The following FRMD4A variants were observed in gnomAD, a reference collection of about 807,000 sequenced individuals.
FRMD4A encodes FERM domain-containing protein 4A.
FRMD4A carries 29 observed loss-of-function variants against 129.1 expected under a neutral mutation model. The observed-to-expected ratio is 0.22, with a 90% CI of 0.17 to 0.31. The LOEUF (loss-of-function observed/expected upper bound fraction) is 0.31, where lower values mean the gene tolerates loss of function less well. Among genes scored for constraint, FRMD4A ranks in the 10% least tolerant of loss-of-function variants. The probability of loss-of-function intolerance (pLI) is 1.00; values close to 1 mark genes in which losing one functional copy is unlikely to be tolerated. For synonymous variants in FRMD4A, 634 were observed against 571.6 expected (o/e 1.11, Z -1.56); for missense variants, 1,272 against 1,375.8 (o/e 0.92, Z 1.19).
chr10:14,086,007 G>A (rs1222542517), intron 2 of FRMD4A, among the ~76,000 whole-genome samples: 4 of 152,004 alleles, frequency 2.6e-5, no homozygotes, highest in South Asian at 4.2e-4. Context: ...ATTTTATGCC[G>A]AGGTCTTTTC....
chr10:14,187,150 A>G (rs1564373316), intron 2 of FRMD4A, among the ~76,000 whole-genome samples: 11 of 131,798 alleles, frequency 8.3e-5, no homozygotes, highest in African/African-American at 3.1e-4. Context: ...AAGGAAGGAA[A>G]GAAGGAAGGG....
chr10:14,287,491 T>A (rs1313943310), intron 2 of FRMD4A, among the ~76,000 whole-genome samples: 4 of 152,146 alleles, frequency 2.6e-5, no homozygotes, highest in Admixed American at 2.0e-4. Context: ...CTGAGCCACA[T>A]AAATATTTCA....
chr10:14,128,185 C>T (rs1023083573), intron 2 of FRMD4A, among the ~76,000 whole-genome samples: 2 of 151,118 alleles, frequency 1.3e-5, no homozygotes, highest in Admixed American at 1.3e-4. Context: ...CTCACTGCAA[C>T]ATCCACTTCC....
At position 13,693,974 on chromosome 10, in the gene FRMD4A, C is replaced by T. The variant is rs1272186603; in HGVS notation, c.1041G>A (p.Leu347=). Residue 347 remains leucine, a synonymous_variant, in exon 15 of 25, where the codon CTG becomes CTA. Transcript: ENST00000357447. The part of the protein sequence containing the change: ...IAIDLTETGT[L]KTSKLANMGS... ...CCATGTTGGCCAGCTTCGAGGTCTT[C>T]AGCGTCCCCGTCTCGGTCAGGTCGA... 13 of 1,571,066 alleles carry T rather than the reference C, an allele frequency of 8.3e-6. No individual in the cohort carries two copies. The highest frequency in any genetic ancestry group is 1.1e-5 in the Non-Finnish European group (13 of 1,163,338).
intron 5 of FRMD4A, among the ~76,000 whole-genome samples, chr10:13,783,398 T>C (rs2092782447): frequency 1.3e-5 from 2 of 152,218 alleles, no homozygotes; most frequent in South Asian, 2.1e-4. Context: ...CTCCTTTTTT[T>C]TCTTTTTTTA....
intron 2 of FRMD4A, among the ~76,000 whole-genome samples, chr10:14,193,469 C>CA (rs1842379589): frequency 7.1e-6 from 1 of 140,718 alleles, no homozygotes; most frequent in Non-Finnish European, 1.5e-5. Context: ...CACCCACCCA[C>CA]CCACCCACAC....
chr10:14,203,238 A>G (rs1842690187), intron 2 of FRMD4A, among the ~76,000 whole-genome samples: 1 of 152,200 alleles, frequency 6.6e-6, no homozygotes. Context: ...AGATTTTTTA[A>G]ATAAATAATC....
chr10:14,097,773 T>A (rs2131767874), intron 2 of FRMD4A, among the ~76,000 whole-genome samples: 1 of 150,816 alleles, frequency 6.6e-6, no homozygotes, highest in Non-Finnish European at 1.5e-5. Context: ...AGCAAATAGA[T>A]GAGAGATAAA....
At chr10:14,251,558 A>G (rs1317607991) in intron 2 of FRMD4A, among the ~76,000 whole-genome samples, 1 of 152,254 alleles carries the variant, frequency 6.6e-6, no homozygotes, top group Admixed American at 6.5e-5. Context: ...GAGATACTAA[A>G]TGACTGTTAT....
chr10:13,718,024 G>A (rs1201270418), intron 12 of FRMD4A, among the ~76,000 whole-genome samples: 2 of 152,242 alleles, frequency 1.3e-5, no homozygotes, highest in Non-Finnish European at 2.9e-5. Flanking sequence ...AAGGGCTTTG[G>A]CGTTTGGGAA....
intron 4 of FRMD4A, among the ~76,000 whole-genome samples, chr10:13,803,010 G>A (rs1451485262): frequency 1.3e-5 from 2 of 152,104 alleles, no homozygotes; most frequent in African/African-American, 4.8e-5. Flanking sequence ...TTAGCTGGGT[G>A]TGGTGGCGGA....
intron 2 of FRMD4A, among the ~76,000 whole-genome samples, chr10:14,285,561 G>C (rs548118801): frequency 6.6e-6 from 1 of 152,314 alleles, no homozygotes; most frequent in Admixed American, 6.5e-5. Context: ...GAGTGACACT[G>C]GTCTGTTCCC....
intron 12 of FRMD4A, among the ~76,000 whole-genome samples, chr10:13,709,582 A>T (rs2087807472): frequency 6.6e-6 from 1 of 152,022 alleles, no homozygotes; most frequent in Non-Finnish European, 1.5e-5. Context: ...AATACAGAGA[A>T]TTTTTCTCCC....
chr10:13,714,046 A>AAAATATATATAATATAT (rs1564673400), intron 12 of FRMD4A, among the ~76,000 whole-genome samples: 1 of 17,954 alleles, frequency 5.6e-5, no homozygotes, highest in African/African-American at 1.5e-4. Flanking sequence ...ATATATATAT[A>AAAATATATATAATATAT]TATATATATA....
At chr10:14,020,257 G>C (rs1038539446) in intron 2 of FRMD4A, among the ~76,000 whole-genome samples, 28 of 152,170 alleles carry the variant, frequency 1.8e-4, no homozygotes, top group African/African-American at 6.8e-4. Flanking sequence ...ACGCCCCAGA[G>C]TGATGACAAC....
At chr10:13,811,348 G>C (rs986724688) in intron 3 of FRMD4A, among the ~76,000 whole-genome samples, 1 of 150,990 alleles carries the variant, frequency 6.6e-6, no homozygotes, top group Non-Finnish European at 1.5e-5. Context: ...GGCCAGGCTG[G>C]TCTCTAACTC....
chr10:13,832,763 C>T lies in FRMD4A; in HGVS notation c.112-21855G>A, dbSNP rs144180613. Among the ~76,000 whole-genome samples the T allele has an allele frequency of 1.3e-3, 198 of 152,138 alleles. 1 individual carries two copies. In the East Asian group the frequency reaches 0.016, roughly 13 times the overall value. On this transcript the variant is annotated intron_variant, in intron 3 of 24. Transcript: ENST00000357447. ...GGAGTGATCCTCCCACCTCAGCCTC[C>T]GAAGTAGCTGGGACTAGAGGTGAAT... is the stretch of plus-strand genomic sequence containing the variant.
chr10:14,256,927 AAAAT>A (rs1844634143), intron 2 of FRMD4A, among the ~76,000 whole-genome samples: 1 of 152,198 alleles, frequency 6.6e-6, no homozygotes, highest in Non-Finnish European at 1.5e-5. Context: ...TTAAGAAAAT[AAAAT>A]AAATACTAGG....
Position 13,794,076 on chromosome 10 carries a change from A to T in FRMD4A, c.299+2420T>A, listed in dbSNP as rs2093061369. Among the ~76,000 whole-genome samples the T allele has an allele frequency of 2.0e-5, 3 of 152,232 alleles. 1 individual carries two copies. ...GGTGAGGGCCTGAGTTCAGGTAATA[A>T]GGAGGAGAGGGCAGTACAGAGGGAG... is the stretch of plus-strand genomic sequence containing the variant. On this transcript the variant is annotated intron_variant, in intron 5 of 24. Coordinates refer to ENST00000357447, the MANE Select transcript of FRMD4A (RefSeq NM_018027.5).
Sources: gnomAD v4.1 joint callset for allele counts (sites outside exome capture counted in the v4.1 genomes callset) on GRCh38, gnomAD v4.1.1 for gene constraint, MANE v1.5 for transcripts, NCBI Gene and HGNC (gene_info 2026-07-23, HGNC 2026-07-21) for gene names.